The following MYH14 variants were observed in gnomAD, a reference collection of about 807,000 sequenced individuals.
MYH14 encodes myosin-14.
A neutral mutation model predicts 255.5 loss-of-function variants in MYH14; 123 were observed. The observed-to-expected ratio is 0.48, with a 90% CI of 0.42 to 0.56. The LOEUF (loss-of-function observed/expected upper bound fraction) is 0.56, where lower values mean the gene tolerates loss of function less well. Among genes scored for constraint, MYH14 ranks in the 20% least tolerant of loss-of-function variants. The probability of loss-of-function intolerance (pLI) is 0.00; values close to 1 mark genes in which losing one functional copy is unlikely to be tolerated. For missense variants in MYH14, 2,423 were observed against 2,802.3 expected (o/e 0.86, Z 3.06); for synonymous variants, 1,095 against 1,161.2 (o/e 0.94, Z 1.16).
intron 8 of MYH14, among the ~76,000 whole-genome samples, chr19:50,229,466 T>C (rs2123226680): frequency 6.6e-6 from 1 of 152,190 alleles, no homozygotes; most frequent in East Asian, 1.9e-4. Flanking sequence ...AGACCTCCTC[T>C]CTACTAAAAT....
intron 34 of MYH14, among the ~76,000 whole-genome samples, chr19:50,289,058 A>G (rs2035981845): frequency 6.6e-6 from 1 of 152,070 alleles, no homozygotes; most frequent in South Asian, 2.1e-4. Context: ...CGTGCCTTCA[A>G]CCCATTCGCA....
In MYH14 at chr19:50,292,270, A is replaced by G. The variant is rs776452962; in HGVS notation, c.5137A>G (p.Lys1713Glu). 3.7e-6 allele frequency: 6 copies of G among 1,605,080 alleles called. No homozygotes were observed. Among genetic ancestry groups the G allele is most frequent in the Admixed American group, 1.7e-5 (1 of 58,962 alleles). The change falls in exon 37 of 43, where the codon AAG becomes GAG. Residue 1713 changes from lysine (K) to glutamate (E), a missense_variant. Physicochemically the swap from Lys to Glu is moderately conservative, Grantham distance 56. Coordinates refer to ENST00000642316, the MANE Select transcript of MYH14 (RefSeq NM_001145809.2). ...ATTCCGTTCCACCCAGGCCCAGATG[A>G]AGGAGCTATGGCGGGAGGTGGAGGA... ...KQLRKMQAQM[K>E]ELWREVEETR...
chr19:50,301,633 G>T lies in MYH14; in HGVS notation c.5470-28G>T. ...CACCTTCCCTCTGAGACTCCACCAT[G>T]ACATCCTTCCTTCCCCTCCTGCTAC... On this transcript the variant is annotated intron_variant, in intron 39 of 42. Transcript: ENST00000642316. The T allele has an allele frequency of 1.9e-6, 3 of 1,589,730 alleles. No individual in the cohort carries two copies. The South Asian group carries it at 3.3e-5, about 18-fold the overall frequency.
intron 16 of MYH14, among the ~76,000 whole-genome samples, chr19:50,254,790 C>T (rs983277292): frequency 1.3e-5 from 2 of 152,188 alleles, no homozygotes; most frequent in Non-Finnish European, 2.9e-5. Flanking sequence ...GAATTGGATG[C>T]CCAGCATCCT....
At chr19:50,224,109 T>A in intron 5 of MYH14, 45 bp from the exon 6 acceptor site, 1 of 1,436,940 alleles carries the variant, frequency 7.0e-7, no homozygotes, top group Non-Finnish European at 9.4e-7. Flanking sequence ...CCACGTTCCA[T>A]GTGCTGTGTC....
chr19:50,231,242 T>C (rs1423417529), intron 9 of MYH14, among the ~76,000 whole-genome samples: 1 of 152,218 alleles, frequency 6.6e-6, no homozygotes, highest in Non-Finnish European at 1.5e-5. Context: ...CCCCTCCTCA[T>C]CCAGGTTCCC....
intron 40 of MYH14, among the ~76,000 whole-genome samples, chr19:50,302,128 A>AT (rs1185952175): frequency 6.6e-6 from 1 of 150,940 alleles, no homozygotes; most frequent in Non-Finnish European, 1.5e-5. Flanking sequence ...AAAAAAAAAA[A>AT]AAAAAAAAAG....
At chr19:50,303,786 C>T (rs1383250409) in intron 40 of MYH14, among the ~76,000 whole-genome samples, 2 of 152,090 alleles carry the variant, frequency 1.3e-5, no homozygotes, top group Admixed American at 1.3e-4. Flanking sequence ...AGAACCATAC[C>T]CACAGACATC....
chr19:50,302,818 C>T (rs2036537162), intron 40 of MYH14, among the ~76,000 whole-genome samples: 1 of 152,062 alleles, frequency 6.6e-6, no homozygotes, highest in African/African-American at 2.4e-5. Context: ...AGGAGAATCG[C>T]TTGAACCCAG....
chr19:50,281,754 A>G lies in MYH14; in HGVS notation c.4451A>G (p.Gln1484Arg). 1 of 1,612,432 alleles carries G rather than the reference A, an allele frequency of 6.2e-7. No homozygotes were observed. Among genetic ancestry groups the G allele is most frequent in the East Asian group, 2.2e-5 (1 of 44,874 alleles). ...DRLERGRRRL[Q>R]QELDDATMDL... ...CTGGAGCGGGGCCGCCGCCGGCTGC[A>G]GCAGGAGCTGGACGACGCCACCATG... Residue 1484 changes from glutamine (Q) to arginine (R), a missense_variant, in exon 33 of 43, where the codon CAG becomes CGG. Physicochemically the swap from Gln to Arg is conservative, Grantham distance 43. Transcript: ENST00000642316.
chr19:50,309,296 G>C (rs1418517680), intron 42 of MYH14, 119 bp downstream of exon 42: 9 of 1,029,514 alleles, frequency 8.7e-6, no homozygotes, highest in Non-Finnish European at 1.4e-5. Context: ...CGGGGGTGTG[G>C]GGCTGTGGGA....
chr19:50,275,566 C>T (rs994504044), intron 27 of MYH14, among the ~76,000 whole-genome samples: 2 of 152,200 alleles, frequency 1.3e-5, no homozygotes, highest in African/African-American at 4.8e-5. Context: ...GTGGCTCACT[C>T]CTGCAATCCC....
chr19:50,241,876 T>C (rs1367250378), intron 10 of MYH14, among the ~76,000 whole-genome samples: 1 of 152,188 alleles, frequency 6.6e-6, no homozygotes, highest in Non-Finnish European at 1.5e-5. Flanking sequence ...ACTCCTGGAC[T>C]CAAATGATCT....
intron 24 of MYH14, among the ~76,000 whole-genome samples, chr19:50,270,320 G>A (rs536256793): frequency 8.3e-4 from 126 of 152,036 alleles, no homozygotes; most frequent in Non-Finnish European, 7.4e-5. Flanking sequence ...GGAGTTCAAG[G>A]CCAGTCTGGC....
At chr19:50,277,114 A>C (rs568937333) in intron 29 of MYH14, among the ~76,000 whole-genome samples, 4 of 152,222 alleles carry the variant, frequency 2.6e-5, no homozygotes, top group Non-Finnish European at 5.9e-5. Context: ...TGAACCCAAC[A>C]ACCAGCACTG....
At chr19:50,207,052 G>GAA (rs11334892) in intron 1 of MYH14, among the ~76,000 whole-genome samples, 12 of 38,620 alleles carry the variant, frequency 3.1e-4, no homozygotes, top group South Asian at 1.6e-3. Flanking sequence ...GTTTCTACCA[G>GAA]AAAAAAAAAA....
At chr19:50,284,003 C>T (rs1266547679) in intron 33 of MYH14, among the ~76,000 whole-genome samples, 9 of 150,654 alleles carry the variant, frequency 6.0e-5, no homozygotes, top group Admixed American at 6.0e-4. Context: ...ATCTGGGAGG[C>T]GGAGGTTGTG....
At position 50,221,956 on chromosome 19, in the gene MYH14, A is replaced by G. The variant is rs62112647; in HGVS notation, c.563-1127A>G. On this transcript the variant is annotated intron_variant, in intron 3 of 42. Coordinates refer to ENST00000642316, the MANE Select transcript of MYH14 (RefSeq NM_001145809.2). The surrounding 1 kb of genome is among the most constrained non-coding windows in gnomAD (Gnocchi z 5.3). The stretch of plus-strand genomic sequence containing the variant: ...TGCTCCTTCCCCCAAGTCAATTCTT[A>G]TTACCTAACACCAGGGTTTTGGAAT... 0.12 allele frequency among the ~76,000 whole-genome samples: 18,165 copies of G among 151,982 alleles called. 1,366 individuals carry two copies. The highest frequency in any genetic ancestry group is 0.24 in the South Asian group (1,152 of 4,808).
intron 34 of MYH14, among the ~76,000 whole-genome samples, chr19:50,287,400 T>C (rs2035927803): frequency 6.6e-6 from 1 of 152,168 alleles, no homozygotes. Context: ...TATTACTTGT[T>C]TTTGTTTGTT....
Sources: allele counts gnomAD v4.1 joint callset (sites outside exome capture counted in the v4.1 genomes callset), GRCh38; gene constraint gnomAD v4.1.1; non-coding constraint Gnocchi (gnomAD v3.1); transcripts MANE v1.5; gene names NCBI Gene and HGNC (gene_info 2026-07-23, HGNC 2026-07-21).